Variants in ARB2A observed in about 807,000 individuals in gnomAD.
ARB2A encodes cotranscriptional regulator ARB2A.
chr5:94,000,996 C>G, the ARB2A span, among the ~76,000 whole-genome samples: 2 of 151,954 alleles, frequency 1.3e-5, no homozygotes, highest in Admixed American at 1.3e-4. Flanking sequence ...CTATTCTATC[C>G]CATTGTTCTA....
the ARB2A span, among the ~76,000 whole-genome samples, chr5:93,643,709 GT>G: frequency 6.6e-6 from 1 of 152,046 alleles, no homozygotes; most frequent in Admixed American, 6.6e-5. Context: ...GGTCAGGCTG[GT>G]CTCAAACTCC....
At chr5:93,776,044 C>T in the ARB2A span, 2 of 818,360 alleles carry the variant, frequency 2.4e-6, no homozygotes, top group African/African-American at 1.7e-5. Context: ...AATAATTCAT[C>T]TAACAACTCA....
chr5:93,662,130 A>G, the ARB2A span, among the ~76,000 whole-genome samples: 1 of 152,226 alleles, frequency 6.6e-6, no homozygotes, highest in East Asian at 1.9e-4. Flanking sequence ...TTCACGTTAC[A>G]GCAACATTAT....
chr5:93,692,671 G>A, the ARB2A span, among the ~76,000 whole-genome samples: 4 of 152,084 alleles, frequency 2.6e-5, no homozygotes, highest in South Asian at 2.1e-4. Context: ...TATTCAGGAC[G>A]TGAACTCAGC....
At chr5:93,659,877 T>C in the ARB2A span, among the ~76,000 whole-genome samples, 4 of 152,288 alleles carry the variant, frequency 2.6e-5, no homozygotes, top group Non-Finnish European at 5.9e-5. Context: ...ACCCCTACTC[T>C]TCTTTCACAA....
the ARB2A span, among the ~76,000 whole-genome samples, chr5:93,673,663 G>A: frequency 1.4e-4 from 22 of 152,146 alleles, 1 homozygote; most frequent in South Asian, 2.9e-3. Context: ...GAAAGCCTCC[G>A]CAAAAAGCAT....
At chr5:93,962,690 C>A in the ARB2A span, among the ~76,000 whole-genome samples, 1 of 152,124 alleles carries the variant, frequency 6.6e-6, no homozygotes, top group Admixed American at 6.5e-5. Flanking sequence ...AGAAGTTTCA[C>A]AACAGTACCA....
the ARB2A span, among the ~76,000 whole-genome samples, chr5:93,904,156 A>G: frequency 6.6e-6 from 1 of 151,948 alleles, no homozygotes; most frequent in African/African-American, 2.4e-5. Context: ...GCAGTTGCTA[A>G]GCATCACATT....
the ARB2A span, among the ~76,000 whole-genome samples, chr5:93,898,138 G>T: frequency 2.6e-5 from 4 of 152,092 alleles, no homozygotes; most frequent in East Asian, 7.7e-4. Context: ...ATGAATACTA[G>T]TATGTCCAAA....
chr5:93,712,912 T>C, the ARB2A span, among the ~76,000 whole-genome samples: 588 of 152,040 alleles, frequency 3.9e-3, 3 homozygotes, highest in Non-Finnish European at 6.1e-3. Context: ...TACATCTACA[T>C]TGAACTCATT....
chr5:93,821,710 A>G, the ARB2A span, among the ~76,000 whole-genome samples: 2 of 152,112 alleles, frequency 1.3e-5, no homozygotes, highest in Non-Finnish European at 2.9e-5. Context: ...TATTTTAGAA[A>G]GCCTTTCAAA....
At chr5:93,906,797 C>G in the ARB2A span, among the ~76,000 whole-genome samples, 1 of 151,406 alleles carries the variant, frequency 6.6e-6, no homozygotes, top group African/African-American at 2.4e-5. Flanking sequence ...TTGATTAAAG[C>G]ATTTTTAGTA....
At chr5:93,996,363 A>G in the ARB2A span, among the ~76,000 whole-genome samples, 1 of 152,086 alleles carries the variant, frequency 6.6e-6, no homozygotes, top group Non-Finnish European at 1.5e-5. Flanking sequence ...AATTTTGTAA[A>G]ATTATTAGAA....
chr5:93,768,221 G>T, the ARB2A span, among the ~76,000 whole-genome samples: 1 of 151,256 alleles, frequency 6.6e-6, no homozygotes, highest in Admixed American at 6.6e-5. Flanking sequence ...TGGTGCAAGG[G>T]ATAAAATACT....
chr5:93,690,007 A>G, the ARB2A span, among the ~76,000 whole-genome samples: 1 of 152,108 alleles, frequency 6.6e-6, no homozygotes, highest in Non-Finnish European at 1.5e-5. Flanking sequence ...GTTGTGAGGA[A>G]TGGTGCATTC....
At chr5:93,886,301 G>A in the ARB2A span, among the ~76,000 whole-genome samples, 1 of 151,700 alleles carries the variant, frequency 6.6e-6, no homozygotes, top group Non-Finnish European at 1.5e-5. Context: ...AGAGAGGTCA[G>A]GGGTTAGAGT....
the ARB2A span, chr5:93,740,388 C>T: frequency 1.7e-6 from 1 of 575,384 alleles, no homozygotes; most frequent in Admixed American, 3.4e-5. Context: ...CTGCAATAAA[C>T]TTCATCTTCT....
chr5:93,855,513 G>C, the ARB2A span, among the ~76,000 whole-genome samples: 1 of 152,068 alleles, frequency 6.6e-6, no homozygotes, highest in South Asian at 2.1e-4. Context: ...GATGTTAGCT[G>C]GTTATTTTGC....
chr5:93,927,776 C>T, the ARB2A span, among the ~76,000 whole-genome samples: 2 of 151,814 alleles, frequency 1.3e-5, no homozygotes, highest in Non-Finnish European at 2.9e-5. Context: ...ATTTGATACC[C>T]TAGTATTATG....
Sources: gnomAD v4.1 joint callset for allele counts (sites outside exome capture counted in the v4.1 genomes callset) on GRCh38, gnomAD v4.1.1 for gene constraint, MANE v1.5 for transcripts, NCBI Gene and HGNC (gene_info 2026-07-23, HGNC 2026-07-21) for gene names.